Variants in MTUS2 observed in about 807,000 individuals in gnomAD.
MTUS2 encodes microtubule-associated tumor suppressor candidate 2.
MTUS2 carries 40 observed loss-of-function variants against 114.1 expected under a neutral mutation model. That is an observed-to-expected ratio of 0.35 (90% CI 0.27 to 0.46). The LOEUF is 0.46. Among genes scored for constraint, MTUS2 ranks in the 20% least tolerant of loss-of-function variants. The pLI, the probability that MTUS2 is intolerant of heterozygous loss-of-function variation, is 1.00. For missense variants in MTUS2, 1,679 were observed against 1,705.4 expected (o/e 0.98, Z 0.27); for synonymous variants, 688 against 672.0 (o/e 1.02, Z -0.37).
At chr13:29,222,633 A>G (rs578157388) in intron 5 of MTUS2, among the ~76,000 whole-genome samples, 2 of 152,372 alleles carry the variant, frequency 1.3e-5, no homozygotes, top group South Asian at 4.1e-4. Flanking sequence ...AGCAGGAGCC[A>G]GGAACGGGTG....
At chr13:29,200,229 C>G (rs1163600716) in intron 5 of MTUS2, among the ~76,000 whole-genome samples, 1 of 151,760 alleles carries the variant, frequency 6.6e-6, no homozygotes, top group East Asian at 1.9e-4. Flanking sequence ...TTGTCTTCTG[C>G]TAGCTTTTGA....
At chr13:29,195,061 C>T (rs1016265021) in intron 5 of MTUS2, among the ~76,000 whole-genome samples, 9 of 133,592 alleles carry the variant, frequency 6.7e-5, no homozygotes, top group African/African-American at 2.6e-4. Flanking sequence ...CACATGGACA[C>T]AGGAAGGGGA....
chr13:29,382,914 C>T (rs1872323623), intron 8 of MTUS2, among the ~76,000 whole-genome samples: 1 of 152,026 alleles, frequency 6.6e-6, no homozygotes. Flanking sequence ...TGAGAGAAAC[C>T]TGGCTGACTG....
intron 6 of MTUS2, among the ~76,000 whole-genome samples, chr13:29,314,945 A>C (rs184926224): frequency 5.0e-4 from 76 of 152,360 alleles, no homozygotes; most frequent in African/African-American, 1.8e-3. Flanking sequence ...AGATGAATGA[A>C]TAAAGAAAAC....
At chr13:28,831,237 C>A (rs995345117) in intron 1 of MTUS2, among the ~76,000 whole-genome samples, 1 of 152,094 alleles carries the variant, frequency 6.6e-6, no homozygotes, top group Non-Finnish European at 1.5e-5. Flanking sequence ...AACAAAAAGA[C>A]ATCAGACGTA....
At chr13:29,158,053 ATGTGTTT>A (rs1474869852) in intron 5 of MTUS2, among the ~76,000 whole-genome samples, 1 of 152,120 alleles carries the variant, frequency 6.6e-6, no homozygotes, top group Admixed American at 6.5e-5. Flanking sequence ...CCTTCTTGGG[ATGTGTTT>A]TGTAATCGTC....
intron 7 of MTUS2, among the ~76,000 whole-genome samples, chr13:29,358,034 G>A (rs554143445): frequency 2.6e-5 from 4 of 152,106 alleles, no homozygotes; most frequent in Non-Finnish European, 5.9e-5. Context: ...CTGGTATCTC[G>A]GAGAGGAAAA....
intron 2 of MTUS2, among the ~76,000 whole-genome samples, chr13:28,855,610 C>A (rs1406188597): frequency 6.6e-6 from 1 of 152,108 alleles, no homozygotes; most frequent in Non-Finnish European, 1.5e-5. Flanking sequence ...GATCTCATTC[C>A]TTTTTATGGC....
chr13:29,428,816 G>T (rs1264620040), intron 8 of MTUS2: 1 of 1,613,734 alleles, frequency 6.2e-7, no homozygotes. Context: ...GAATGAAGGA[G>T]GTCCCCTTGC....
chr13:29,454,029 C>A (rs1253299624), intron 9 of MTUS2, among the ~76,000 whole-genome samples: 3 of 152,222 alleles, frequency 2.0e-5, no homozygotes, highest in Non-Finnish European at 4.4e-5. Flanking sequence ...AATATATAAA[C>A]TGCAGTGTAT....
chr13:29,461,931 G>A (rs898853545), intron 9 of MTUS2, among the ~76,000 whole-genome samples: 1 of 152,180 alleles, frequency 6.6e-6, no homozygotes, highest in Non-Finnish European at 1.5e-5. Flanking sequence ...GAGCCTGGGG[G>A]AGGGATTCCA....
intron 5 of MTUS2, among the ~76,000 whole-genome samples, chr13:29,216,370 CA>C (rs749562478): frequency 1.3e-5 from 2 of 152,196 alleles, no homozygotes; most frequent in South Asian, 2.1e-4. Flanking sequence ...GACCCCTTTC[CA>C]GGGGGAGTGA....
chr13:29,144,269 G>A (rs930554206), intron 5 of MTUS2, among the ~76,000 whole-genome samples: 2 of 152,166 alleles, frequency 1.3e-5, no homozygotes, highest in African/African-American at 4.8e-5. Flanking sequence ...AGGAGTCTGA[G>A]CGTGACTTAG....
intron 5 of MTUS2, among the ~76,000 whole-genome samples, chr13:29,238,931 T>C (rs900290963): frequency 6.6e-6 from 1 of 152,148 alleles, no homozygotes; most frequent in Admixed American, 6.5e-5. Flanking sequence ...GAGAGTGGAA[T>C]AGTGATTGTC....
chr13:29,028,175 A>G (rs1593397540), intron 3 of MTUS2, among the ~76,000 whole-genome samples: 2 of 151,770 alleles, frequency 1.3e-5, no homozygotes, highest in Non-Finnish European at 2.9e-5. Context: ...ACATGGTGAA[A>G]CCCCGTCTCT....
At chr13:29,445,059 C>T (rs1011190659) in intron 9 of MTUS2, among the ~76,000 whole-genome samples, 3 of 152,290 alleles carry the variant, frequency 2.0e-5, no homozygotes, top group South Asian at 2.1e-4. Flanking sequence ...GGTGGTATCA[C>T]GACTGTATCT....
intron 2 of MTUS2, among the ~76,000 whole-genome samples, chr13:28,955,155 G>A (rs193034748): frequency 2.6e-5 from 4 of 152,270 alleles, no homozygotes; most frequent in African/African-American, 9.6e-5. Context: ...CTATGACACT[G>A]TCTTTTACCC....
At chr13:29,328,488 A>C (rs1900623277) in intron 7 of MTUS2, among the ~76,000 whole-genome samples, 1 of 152,252 alleles carries the variant, frequency 6.6e-6, no homozygotes, top group African/African-American at 2.4e-5. Flanking sequence ...GGGATTCTTT[A>C]GTTGACGGTT....
intron 6 of MTUS2, among the ~76,000 whole-genome samples, chr13:29,290,066 A>G (rs953690842): frequency 3.3e-5 from 5 of 152,252 alleles, no homozygotes; most frequent in African/African-American, 9.6e-5. Context: ...CTGTCGTTCT[A>G]CATATCTTCA....
Sources: gnomAD v4.1 joint callset for allele counts (sites outside exome capture counted in the v4.1 genomes callset) on GRCh38, gnomAD v4.1.1 for gene constraint, MANE v1.5 for transcripts, NCBI Gene and HGNC (gene_info 2026-07-23, HGNC 2026-07-21) for gene names.